Variants in CACNB4 observed in about 807,000 individuals in gnomAD.
CACNB4 encodes the protein calcium voltage-gated channel auxiliary subunit beta 4.
In CACNB4, 32 loss-of-function variants were observed where a neutral mutation model predicts 71.2. The observed-to-expected ratio is 0.45, with a 90% CI of 0.34 to 0.60. CACNB4 has a LOEUF of 0.60. Among genes scored for constraint, CACNB4 ranks in the 20% least tolerant of loss-of-function variants. The pLI is 0.01. For synonymous variants in CACNB4, 231 were observed against 236.9 expected (o/e 0.97, Z 0.23); for missense variants, 464 against 647.9 (o/e 0.72, Z 3.08).
intron 2 of CACNB4, among the ~76,000 whole-genome samples, chr2:151,950,276 T>A (rs547031350): frequency 6.6e-6 from 1 of 152,262 alleles, no homozygotes; most frequent in South Asian, 2.1e-4. Flanking sequence ...AATGTACATT[T>A]TTAGCCTTGT....
chr2:151,969,594 T>C (rs2099871992), intron 2 of CACNB4: 1 of 152,222 alleles, frequency 6.6e-6, no homozygotes, highest in African/African-American at 2.4e-5. Flanking sequence ...CAATTAGCGA[T>C]GCATGGAACA....
chr2:151,965,195 A>AT (rs2099870764), intron 2 of CACNB4, among the ~76,000 whole-genome samples: 1 of 152,180 alleles, frequency 6.6e-6, no homozygotes, highest in African/African-American at 2.4e-5. Flanking sequence ...TGCACTAACC[A>AT]TTTTAGCATG....
chr2:151,895,094 CCCCACACACACACACACACACACA>C (rs1184552733), intron 2 of CACNB4, among the ~76,000 whole-genome samples: 12 of 132,830 alleles, frequency 9.0e-5, no homozygotes, highest in South Asian at 2.3e-4. Flanking sequence ...ACTCAAATAG[CCCCACACACACACACACACACACA>C]CACACACACA....
chr2:152,020,568 T>C (rs1191626630), intron 2 of CACNB4, among the ~76,000 whole-genome samples: 3 of 152,142 alleles, frequency 2.0e-5, no homozygotes, highest in African/African-American at 4.8e-5. Flanking sequence ...GAGAAGGAAA[T>C]TGTGGGGAGT....
Position 151,860,496 on chromosome 2 carries a change from T to A in CACNB4, c.868+215A>T. On this transcript the variant is annotated intron_variant, in intron 10 of 13. Transcript: ENST00000539935. The stretch of plus-strand genomic sequence containing the variant: ...CCATTGAGGATTCTTTCCACCAGAC[T>A]ACTAATTAGCTAATTGACTAAAGCT... 7.0e-6 allele frequency: 4 copies of A among 571,454 alleles called. No homozygotes were observed. In the South Asian group the frequency reaches 9.0e-5, roughly 13 times the overall value. 35.4% of individuals were successfully genotyped at this position (571,454 alleles called of 1,614,324 possible).
At chr2:152,025,917 C>G (rs1683939980) in intron 2 of CACNB4, among the ~76,000 whole-genome samples, 1 of 152,194 alleles carries the variant, frequency 6.6e-6, no homozygotes, top group African/African-American at 2.4e-5. Context: ...AACGTCAGAG[C>G]TGTGAAGAGC....
At chr2:152,037,739 G>A (rs1400759188) in intron 2 of CACNB4, among the ~76,000 whole-genome samples, 1 of 152,186 alleles carries the variant, frequency 6.6e-6, no homozygotes, top group Non-Finnish European at 1.5e-5. Context: ...ATGCTCTAGG[G>A]AGACATGGCC....
chr2:152,055,632 A>C (rs1251734493), intron 2 of CACNB4, among the ~76,000 whole-genome samples: 1 of 152,206 alleles, frequency 6.6e-6, no homozygotes, highest in African/African-American at 2.4e-5. Context: ...TTTGATTATT[A>C]CTGAACACTG....
chr2:151,907,893 A>G (rs991766217), intron 2 of CACNB4, among the ~76,000 whole-genome samples: 6 of 152,210 alleles, frequency 3.9e-5, no homozygotes, highest in African/African-American at 7.2e-5. Flanking sequence ...TTTCTAAAGA[A>G]AAGAAACTGA....
At chr2:151,878,190 A>G (rs1413493042) in intron 4 of CACNB4, among the ~76,000 whole-genome samples, 1 of 150,832 alleles carries the variant, frequency 6.6e-6, no homozygotes, top group East Asian at 2.2e-4. Flanking sequence ...AAATTTATAT[A>G]TATGTCTGTG....
At chr2:151,969,716 T>C (rs906501092) in intron 2 of CACNB4, 3 of 152,214 alleles carry the variant, frequency 2.0e-5, no homozygotes, top group African/African-American at 7.2e-5. Flanking sequence ...AGAAAATAAA[T>C]AGTTTAACAC....
chr2:151,929,380 T>C (rs894941830), intron 2 of CACNB4, among the ~76,000 whole-genome samples: 1 of 152,212 alleles, frequency 6.6e-6, no homozygotes, highest in African/African-American at 2.4e-5. Flanking sequence ...ATATGTAATG[T>C]TCTCTGATAT....
At chr2:151,852,701 T>C (rs550469839) in intron 12 of CACNB4, 1 of 152,318 alleles carries the variant, frequency 6.6e-6, no homozygotes, top group South Asian at 2.1e-4. Flanking sequence ...TTGAATCAGA[T>C]TTCATGCTTC....
chr2:151,870,138 T>A (rs1423891933), intron 8 of CACNB4: 2 of 625,530 alleles, frequency 3.2e-6, no homozygotes, highest in Non-Finnish European at 5.7e-6. Context: ...TGTTTGGGCT[T>A]TAAAGGTTTG....
At chr2:152,076,468 C>T (rs1687032328) in intron 2 of CACNB4, among the ~76,000 whole-genome samples, 1 of 151,886 alleles carries the variant, frequency 6.6e-6, no homozygotes, top group African/African-American at 2.4e-5. Flanking sequence ...GGCCGCTTTT[C>T]ATTTTTGTCC....
intron 2 of CACNB4, among the ~76,000 whole-genome samples, chr2:151,999,376 G>GTTT (rs5835398): frequency 6.8e-6 from 1 of 147,520 alleles, no homozygotes; most frequent in African/African-American, 2.5e-5. Flanking sequence ...CCCTGTTATG[G>GTTT]TTTTTTTTTT....
intron 2 of CACNB4, among the ~76,000 whole-genome samples, chr2:152,021,172 G>A (rs1265135600): frequency 1.3e-5 from 2 of 152,110 alleles, no homozygotes; most frequent in African/African-American, 2.4e-5. Context: ...GCTTGAACCC[G>A]GGAGGCGGAG....
intron 2 of CACNB4, among the ~76,000 whole-genome samples, chr2:152,090,200 C>G (rs1319776968): frequency 6.6e-6 from 1 of 152,220 alleles, no homozygotes; most frequent in Non-Finnish European, 1.5e-5. Flanking sequence ...ATAGCATTGC[C>G]TTTTGTTTAA....
chr2:152,029,507 A>AAAAAGAAAAGAAAAGAAAAG (rs70974818), intron 2 of CACNB4, among the ~76,000 whole-genome samples: 1 of 104,748 alleles, frequency 9.5e-6, no homozygotes, highest in Non-Finnish European at 1.8e-5. Context: ...AAAAAAAAAA[A>AAAAAGAAAAGAAAAGAAAAG]AAAAGAAAAG....
Sources: allele counts gnomAD v4.1 joint callset (sites outside exome capture counted in the v4.1 genomes callset), GRCh38; gene constraint gnomAD v4.1.1; transcripts MANE v1.5; gene names NCBI Gene and HGNC (gene_info 2026-07-23, HGNC 2026-07-21).